SLC30A9: variants seen among roughly 807,000 people sequenced by gnomAD.
The protein encoded by SLC30A9 is proton-coupled zinc antiporter SLC30A9, mitochondrial.
SLC30A9 carries 58 observed loss-of-function variants against 87.5 expected under a neutral mutation model. That is an observed-to-expected ratio of 0.66 (90% CI 0.54 to 0.82). The LOEUF is 0.82. Ranked by LOEUF, SLC30A9 falls within the 40% of genes least tolerant of loss-of-function variation. SLC30A9 has a pLI of 0.00. For missense variants in SLC30A9, 557 were observed against 679.1 expected, an observed-to-expected ratio of 0.82 and a Z score of 2.00; for synonymous variants, 234 against 233.0, an observed-to-expected ratio of 1.00 and a Z score of -0.04.
intron 17 of SLC30A9, among the ~76,000 whole-genome samples, chr4:42,079,323 T>C (rs1388001761): frequency 6.6e-6 from 1 of 151,258 alleles, no homozygotes; most frequent in East Asian, 1.9e-4. Context: ...ACTAAGAATC[T>C]CACTCTGTTG....
intron 6 of SLC30A9, chr4:42,029,092 G>A (rs1716309458): frequency 7.5e-6 from 2 of 266,706 alleles, no homozygotes; most frequent in Non-Finnish European, 1.5e-5. Context: ...TGGCAGTGGT[G>A]TGTCCTGTCT....
intron 2 of SLC30A9, among the ~76,000 whole-genome samples, chr4:42,013,214 G>A (rs1344413312): frequency 6.6e-6 from 1 of 152,174 alleles, no homozygotes; most frequent in Non-Finnish European, 1.5e-5. Flanking sequence ...AGGAGTTGGA[G>A]GTGGCAGTGA....
At position 42,070,568 on chromosome 4, in the gene SLC30A9, C is replaced by T. The variant is rs1718272709; in HGVS notation, c.1295C>T (p.Thr432Ile). The T allele has an allele frequency of 2.5e-6, 4 of 1,613,840 alleles. No homozygotes were observed. In the African/African-American group the frequency reaches 4.0e-5, roughly 16 times the overall value. Reference protein sequence around the residue: ...YDSLGSLGVGTLLGMVSAFLI... With the variant: ...YDSLGSLGVGILLGMVSAFLI... ...AGCCTAGGTTCTTTGGGTGTGGGCA[C>T]CTTATTAGGCATGGTCTCAGCATTC... is the stretch of plus-strand genomic sequence containing the variant. The change falls in exon 15 of 18, where the codon ACC becomes ATC. Residue 432 changes from threonine (T) to isoleucine (I), a missense_variant. Coordinates refer to ENST00000264451, the MANE Select transcript of SLC30A9 (RefSeq NM_006345.4).
intron 1 of SLC30A9, among the ~76,000 whole-genome samples, chr4:41,995,662 G>A (rs1240381846): frequency 6.6e-6 from 1 of 152,196 alleles, no homozygotes; most frequent in Admixed American, 6.5e-5. Flanking sequence ...GGGAGAAAGA[G>A]CAATTTGGGA....
chr4:42,038,039 T>C (rs12645406), intron 7 of SLC30A9, among the ~76,000 whole-genome samples: 91,594 of 152,042 alleles, frequency 0.6, 32,974 homozygotes, highest in East Asian at 0.95. Flanking sequence ...CCCAAAGTGC[T>C]AGGATTACAA....
At chr4:42,080,751 G>C (rs1454877266) in intron 17 of SLC30A9, among the ~76,000 whole-genome samples, 1 of 152,186 alleles carries the variant, frequency 6.6e-6, no homozygotes, top group African/African-American at 2.4e-5. Context: ...GAGAACAAAA[G>C]CCAAACCTCC....
intron 1 of SLC30A9, among the ~76,000 whole-genome samples, chr4:41,997,388 A>G (rs1714766780): frequency 6.6e-6 from 1 of 152,096 alleles, no homozygotes; most frequent in Non-Finnish European, 1.5e-5. Context: ...TGATGTTAAT[A>G]AGACCTTGAT....
At chr4:42,075,050 TA>T (rs1718482239) in intron 15 of SLC30A9, among the ~76,000 whole-genome samples, 28 of 21,862 alleles carry the variant, frequency 1.3e-3, no homozygotes, top group South Asian at 2.2e-3. Flanking sequence ...TATATATATA[TA>T]TATATATATT....
At chr4:42,018,377 T>G in intron 3 of SLC30A9, 1 of 1,256,274 alleles carries the variant, frequency 8.0e-7, no homozygotes, top group African/African-American at 1.5e-5. Context: ...TTGTCACAAA[T>G]TTTTTCAAAA....
chr4:42,044,311 A>G (rs974884065), intron 8 of SLC30A9, among the ~76,000 whole-genome samples: 1 of 150,084 alleles, frequency 6.7e-6, no homozygotes, highest in Non-Finnish European at 1.5e-5. Context: ...CATGCAGGAG[A>G]CCCATCTGAC....
chr4:42,022,382 C>T (rs915759223), intron 4 of SLC30A9, among the ~76,000 whole-genome samples: 1 of 151,720 alleles, frequency 6.6e-6, no homozygotes, highest in Middle Eastern at 3.2e-3. Context: ...CAGGCACCAC[C>T]AAACCCAGCT....
At chr4:42,033,685 C>T (rs1415215394) in intron 6 of SLC30A9, among the ~76,000 whole-genome samples, 2 of 152,088 alleles carry the variant, frequency 1.3e-5, no homozygotes, top group African/African-American at 2.4e-5. Context: ...AAGCAATTCT[C>T]CTGCCTCAAC....
At chr4:42,047,442 A>G (rs1717208155) in intron 8 of SLC30A9, among the ~76,000 whole-genome samples, 2 of 152,236 alleles carry the variant, frequency 1.3e-5, no homozygotes. Context: ...ACTTCTCAAA[A>G]GAAGATATTT....
intron 17 of SLC30A9, among the ~76,000 whole-genome samples, chr4:42,083,506 A>C (rs933748122): frequency 6.6e-6 from 1 of 152,184 alleles, no homozygotes; most frequent in Non-Finnish European, 1.5e-5. Context: ...TTCATTCAGC[A>C]TATATTGTGT....
At chr4:42,058,428 CTA>C (rs1717713198) in intron 9 of SLC30A9, among the ~76,000 whole-genome samples, 2 of 152,178 alleles carry the variant, frequency 1.3e-5, no homozygotes. Context: ...TCACATTTTC[CTA>C]TCTTTTTCTG....
intron 1 of SLC30A9, among the ~76,000 whole-genome samples, chr4:41,997,921 T>C (rs980162555): frequency 2.0e-5 from 3 of 152,278 alleles, no homozygotes; most frequent in Non-Finnish European, 4.4e-5. Context: ...GGCTGCAAGC[T>C]TGACTCTGGC....
chr4:42,060,229 A>T lies in SLC30A9; in HGVS notation c.879A>T (p.Thr293=). The change falls in exon 10 of 18, where the codon ACA becomes ACT. Residue 293 remains threonine, a synonymous_variant. Transcript: ENST00000264451. The stretch of plus-strand genomic sequence containing the variant: ...TGGGCATCAGTAAGTCTGTTCAAAC[A>T]CCAGATCCTTCTCATCCGTAAGGAC... ...LALGISKSVQ[T]PDPSHPYGFS... 6.2e-7 allele frequency: 1 copy of T among 1,612,582 alleles called. No individual in the cohort carries two copies. The highest frequency in any genetic ancestry group is 8.5e-7 in the Non-Finnish European group (1 of 1,178,968).
At chr4:42,084,399 T>A (rs1216111311) in intron 17 of SLC30A9, among the ~76,000 whole-genome samples, 2 of 152,200 alleles carry the variant, frequency 1.3e-5, no homozygotes, top group East Asian at 3.8e-4. Flanking sequence ...ACAGTATTAA[T>A]ATGTTACATT....
intron 8 of SLC30A9, among the ~76,000 whole-genome samples, chr4:42,045,350 A>G (rs1717103968): frequency 1.3e-5 from 2 of 152,180 alleles, no homozygotes; most frequent in African/African-American, 4.8e-5. Context: ...GGAGAATCAA[A>G]TAGACAACAA....
Sources: allele counts gnomAD v4.1 joint callset (sites outside exome capture counted in the v4.1 genomes callset), GRCh38; gene constraint gnomAD v4.1.1; transcripts MANE v1.5; gene names NCBI Gene and HGNC (gene_info 2026-07-23, HGNC 2026-07-21).